Variants in LPCAT3 observed in about 807,000 individuals in gnomAD.
LPCAT3 encodes the protein lysophospholipid acyltransferase 5.
In LPCAT3, 21 loss-of-function variants were observed where a neutral mutation model predicts 63.4. The ratio of observed to expected loss-of-function variants is 0.33; its 90% CI spans 0.23 to 0.48. The LOEUF is 0.48. LPCAT3 is among the 20% of genes least tolerant of loss of function. LPCAT3 has a pLI of 0.99. For missense variants in LPCAT3, 451 were observed against 590.6 expected, an observed-to-expected ratio of 0.76 and a Z score of 2.45; for synonymous variants, 242 against 227.5, an observed-to-expected ratio of 1.06 and a Z score of -0.58.
intron 1 of LPCAT3, among the ~76,000 whole-genome samples, chr12:6,998,053 T>G (rs1338520560): frequency 6.6e-6 from 1 of 152,154 alleles, no homozygotes; most frequent in Admixed American, 6.6e-5. Flanking sequence ...TCTTGCTCTG[T>G]CGCAAAGGCT....
chr12:7,016,226 T>C (rs1555157606), intron 1 of LPCAT3, among the ~76,000 whole-genome samples: 1 of 151,686 alleles, frequency 6.6e-6, no homozygotes, highest in African/African-American at 2.4e-5. Flanking sequence ...CGGGAGTAGC[T>C]GGGACCACAG....
intron 2 of LPCAT3, chr12:6,983,027 A>G: frequency 1.7e-6 from 1 of 586,112 alleles, no homozygotes; most frequent in Non-Finnish European, 3.2e-6. Context: ...TGTTGTCCAG[A>G]CTTGAGTGCA....
At chr12:6,994,661 C>T (rs1169741687) in intron 1 of LPCAT3, among the ~76,000 whole-genome samples, 2 of 151,654 alleles carry the variant, frequency 1.3e-5, no homozygotes, top group East Asian at 1.9e-4. Context: ...CACCATGTTG[C>T]TCAGGCTGGT....
At chr12:6,990,798 T>C (rs781843438) in intron 1 of LPCAT3, among the ~76,000 whole-genome samples, 1 of 148,688 alleles carries the variant, frequency 6.7e-6, no homozygotes, top group South Asian at 2.1e-4. Flanking sequence ...GCGCCTGTGA[T>C]CCCAGCTACT....
At chr12:6,995,136 T>TA (rs781970112) in intron 1 of LPCAT3, among the ~76,000 whole-genome samples, 1 of 130,048 alleles carries the variant, frequency 7.7e-6, no homozygotes, top group African/African-American at 2.8e-5. Context: ...TTTTTTTTTT[T>TA]AAATTAACAG....
intron 6 of LPCAT3, among the ~76,000 whole-genome samples, chr12:6,980,197 A>T: frequency 6.6e-6 from 1 of 151,780 alleles, no homozygotes; most frequent in East Asian, 1.9e-4. Flanking sequence ...ATAGGCATGT[A>T]CCACCTTGCC....
chr12:6,988,088 G>C (rs1946546392), intron 1 of LPCAT3: 1 of 307,102 alleles, frequency 3.3e-6, no homozygotes. Flanking sequence ...AAGGGGCTTG[G>C]GTGCTTTCCT....
In LPCAT3 at chr12:7,018,211, CCCATTCCT is replaced by C; in HGVS notation, c.151+55_151+62del. 1 of 1,542,518 alleles carries C rather than the reference CCCATTCCT, an allele frequency of 6.5e-7. No individual in the cohort carries two copies. Among genetic ancestry groups the C allele is most frequent in the Non-Finnish European group, 8.8e-7 (1 of 1,138,012 alleles). On this transcript the variant is annotated intron_variant, in intron 1 of 12. Transcript: ENST00000261407. The surrounding 1 kb of genome is among the most constrained non-coding windows in gnomAD (Gnocchi z 4.9). ...TCCGGGAAGAGAGGGAGGTCCTGTC[CCCATTCCT>C]CCCCTACTCCCCGGGGACTCCGCGA...
At chr12:6,997,939 G>C (rs782142275) in intron 1 of LPCAT3, among the ~76,000 whole-genome samples, 1 of 152,218 alleles carries the variant, frequency 6.6e-6, no homozygotes, top group East Asian at 1.9e-4. Context: ...TGTTGGCCAG[G>C]CTGGTCTTAA....
chr12:6,992,099 A>T (rs1479992734), intron 1 of LPCAT3, among the ~76,000 whole-genome samples: 1 of 152,100 alleles, frequency 6.6e-6, no homozygotes, highest in Non-Finnish European at 1.5e-5. Context: ...TCAAGGACTG[A>T]CATTTGATAC....
At chr12:6,980,762 G>C (rs1946462333) in intron 6 of LPCAT3, 1 of 352,388 alleles carries the variant, frequency 2.8e-6, no homozygotes, top group Non-Finnish European at 5.1e-6. Flanking sequence ...GACTGGTTCA[G>C]GCAAAATCCT....
rs910611977 is a variant in LPCAT3, at chr12:6,981,530, G to C, written c.498+65C>G. 7.8e-6 allele frequency: 12 copies of C among 1,544,238 alleles called. No individual in the cohort carries two copies. The African/African-American group carries it at 1.6e-4, about 21-fold the overall frequency. On this transcript the variant is annotated intron_variant, in intron 5 of 12. Coordinates refer to ENST00000261407, the MANE Select transcript of LPCAT3 (RefSeq NM_005768.6). Reference sequence around the variant, plus strand: ...CTCTGGAATTTGGGTTCAGTCTTTTGTTAACAACTTTTTTCTTCCCTTTCA... The same window carrying C: ...CTCTGGAATTTGGGTTCAGTCTTTTCTTAACAACTTTTTTCTTCCCTTTCA...
chr12:6,988,010 T>C (rs148310884), intron 1 of LPCAT3, among the ~76,000 whole-genome samples: 218 of 152,222 alleles, frequency 1.4e-3, no homozygotes, highest in Non-Finnish European at 2.3e-3. Flanking sequence ...ACTCCTAATT[T>C]ACGGCAGGCC....
rs782605348 is a variant in LPCAT3 at position 6,977,442 on chromosome 12, T to A, written c.1272A>T (p.Gln424His). 1 of 1,614,184 alleles carries A rather than the reference T, an allele frequency of 6.2e-7. No individual in the cohort carries two copies. The highest frequency in any genetic ancestry group is 1.3e-5 in the African/African-American group (1 of 75,038). ...TVLQPFYYLV[Q>H]QTIHWLFMGY... is the part of the protein sequence containing the mutation. ...CCATGAAGAGCCAGTGGATGGTCTG[T>A]TGCACCAAATAGTAGAAGGGCTGGA... The change falls in exon 11 of 13, where the codon CAA (glutamine) becomes CAT (histidine). Residue 424 changes from glutamine to histidine, a missense_variant. By Grantham distance (24) the Gln-to-His change is conservative (BLOSUM62 0). Coordinates refer to ENST00000261407, the MANE Select transcript of LPCAT3 (RefSeq NM_005768.6). The surrounding 1 kb of genome is among the most constrained non-coding windows in gnomAD (Gnocchi z 4.5).
In LPCAT3 at chr12:6,983,649, AAAC is replaced by A. The variant is rs782303109; in HGVS notation, c.152-113_152-111del. The A allele has an allele frequency of 1.6e-4, 114 of 702,142 alleles. No homozygotes were observed. The East Asian group carries it at 2.9e-3, about 18-fold the overall frequency. The allele number at this position is 702,142 out of a possible 1,614,324, so 43.5% of individuals were successfully genotyped here. On this transcript the variant is annotated intron_variant, in intron 1 of 12. Coordinates refer to ENST00000261407, the MANE Select transcript of LPCAT3 (RefSeq NM_005768.6). ...CAGCCCAGAGGGAGAGAGAAAAAAA[AAAC>A]AACATACATTATATGGATGGCAACA...
intron 5 of LPCAT3, 38 bp from the exon 6 acceptor site, chr12:6,981,220 T>C (rs781895174): frequency 6.5e-7 from 1 of 1,539,990 alleles, no homozygotes; most frequent in South Asian, 1.2e-5. Context: ...AGGATAGCCT[T>C]GAATCTCCCC....
intron 1 of LPCAT3, among the ~76,000 whole-genome samples, chr12:6,992,348 T>C (rs1359044561): frequency 1.3e-5 from 2 of 151,882 alleles, no homozygotes; most frequent in African/African-American, 4.8e-5. Flanking sequence ...AAAAAAAATT[T>C]ACCACTTCAT....
intron 1 of LPCAT3, among the ~76,000 whole-genome samples, chr12:7,000,723 A>G (rs1376873307): frequency 1.3e-5 from 2 of 151,578 alleles, no homozygotes; most frequent in Non-Finnish European, 2.9e-5. Context: ...AAAATTGAGT[A>G]TTCTTTTTTT....
At chr12:6,993,978 A>C (rs1946612142) in intron 1 of LPCAT3, among the ~76,000 whole-genome samples, 1 of 152,140 alleles carries the variant, frequency 6.6e-6, no homozygotes, top group Non-Finnish European at 1.5e-5. Context: ...CCACTTTAGG[A>C]ACATTATGAA....
Sources: allele counts gnomAD v4.1 joint callset (sites outside exome capture counted in the v4.1 genomes callset), GRCh38; gene constraint gnomAD v4.1.1; non-coding constraint Gnocchi (gnomAD v3.1); transcripts MANE v1.5; gene names NCBI Gene and HGNC (gene_info 2026-07-23, HGNC 2026-07-21).